HACD2: variants seen among roughly 807,000 people sequenced by gnomAD.
HACD2 encodes very-long-chain (3R)-3-hydroxyacyl-CoA dehydratase 2.
Under a neutral mutation model 31.0 loss-of-function variants are expected in HACD2, and 15 were observed. The ratio of observed to expected loss-of-function variants is 0.48; its 90% CI spans 0.32 to 0.75. HACD2 has a LOEUF of 0.75. Ranked by LOEUF, HACD2 falls within the 30% of genes least tolerant of loss-of-function variation. The pLI is 0.03. For synonymous variants in HACD2, 115 were observed against 122.2 expected, an observed-to-expected ratio of 0.94 and a Z score of 0.39; for missense variants, 283 against 313.0, an observed-to-expected ratio of 0.90 and a Z score of 0.72.
intron 4 of HACD2, among the ~76,000 whole-genome samples, chr3:123,514,409 C>G (rs941309673): frequency 2.6e-5 from 3 of 116,144 alleles, no homozygotes; most frequent in East Asian, 2.4e-4. Flanking sequence ...TTTGAAATTA[C>G]TTCAGAAAAA....
intron 4 of HACD2, among the ~76,000 whole-genome samples, chr3:123,508,256 T>C (rs898644370): frequency 1.3e-5 from 2 of 152,180 alleles, no homozygotes; most frequent in African/African-American, 4.8e-5. Context: ...GGAATCTTTC[T>C]TTGCCTGGCA....
intron 3 of HACD2, among the ~76,000 whole-genome samples, chr3:123,532,074 T>C (rs1366793846): frequency 6.6e-6 from 1 of 152,200 alleles, no homozygotes; most frequent in East Asian, 1.9e-4. Flanking sequence ...CAATTTATAC[T>C]CCCACCAGCA....
At chr3:123,526,733 A>C (rs1042362327) in intron 4 of HACD2, among the ~76,000 whole-genome samples, 1 of 152,230 alleles carries the variant, frequency 6.6e-6, no homozygotes, top group Non-Finnish European at 1.5e-5. Context: ...ATGGTTATGG[A>C]GGATGACACC....
intron 4 of HACD2, among the ~76,000 whole-genome samples, chr3:123,513,197 A>G (rs534135640): frequency 1.3e-5 from 2 of 152,376 alleles, no homozygotes; most frequent in South Asian, 2.1e-4. Context: ...ACAGGAATTC[A>G]TGAGTCCAAA....
intron 4 of HACD2, among the ~76,000 whole-genome samples, chr3:123,523,062 C>T (rs1441192004): frequency 6.6e-6 from 1 of 152,158 alleles, no homozygotes; most frequent in Non-Finnish European, 1.5e-5. Flanking sequence ...TCAGGGATAA[C>T]ACAGAAGGCG....
chr3:123,534,658 G>A (rs750317584), intron 3 of HACD2, among the ~76,000 whole-genome samples: 3 of 152,076 alleles, frequency 2.0e-5, no homozygotes, highest in Non-Finnish European at 4.4e-5. Context: ...AAGTCCTTCA[G>A]GAGGTATTCC....
At chr3:123,502,732 AAGAC>A in intron 4 of HACD2, 51 bp from the exon 5 acceptor site, 1 of 1,551,156 alleles carries the variant, frequency 6.4e-7, no homozygotes, top group South Asian at 1.2e-5. Flanking sequence ...AACGTTAATG[AAGAC>A]AGTGTGCAGC....
At chr3:123,571,258 C>T (rs1422475232) in intron 2 of HACD2, among the ~76,000 whole-genome samples, 7 of 152,168 alleles carry the variant, frequency 4.6e-5, no homozygotes, top group Non-Finnish European at 1.0e-4. Context: ...ATTCTTAAGG[C>T]GATCCCCCAC....
At chr3:123,530,695 C>T (rs940442589) in intron 3 of HACD2, among the ~76,000 whole-genome samples, 4 of 151,110 alleles carry the variant, frequency 2.6e-5, no homozygotes, top group African/African-American at 9.7e-5. Flanking sequence ...GCGTGAGCCA[C>T]TGCGCCCGGC....
At chr3:123,533,887 G>T (rs951134328) in intron 3 of HACD2, among the ~76,000 whole-genome samples, 5 of 152,196 alleles carry the variant, frequency 3.3e-5, no homozygotes, top group African/African-American at 7.2e-5. Context: ...ATTACAACTT[G>T]GTTTCAGAAA....
intron 3 of HACD2, among the ~76,000 whole-genome samples, chr3:123,563,681 T>A (rs1408578677): frequency 1.5e-5 from 2 of 133,082 alleles, no homozygotes; most frequent in Non-Finnish European, 3.5e-5. Flanking sequence ...ACACACACAC[T>A]TATGGTGTAC....
intron 3 of HACD2, among the ~76,000 whole-genome samples, chr3:123,550,853 G>A (rs918571328): frequency 1.5e-4 from 23 of 152,324 alleles, no homozygotes; most frequent in Non-Finnish European, 3.2e-4. Flanking sequence ...AGACTGCAGA[G>A]GGGAAGAGAA....
chr3:123,502,804 CT>C (rs1292694619), intron 4 of HACD2, 123 bp from the exon 5 acceptor site: 3 of 965,542 alleles, frequency 3.1e-6, no homozygotes, highest in Admixed American at 5.2e-5. Flanking sequence ...TTCAGGACCC[CT>C]GTATGGCAGA....
At chr3:123,521,853 C>T (rs905463745) in intron 4 of HACD2, among the ~76,000 whole-genome samples, 61 of 152,286 alleles carry the variant, frequency 4.0e-4, no homozygotes, top group African/African-American at 1.1e-3. Context: ...TTTAAGAAGA[C>T]GCTTGCTTGC....
chr3:123,519,759 G>A (rs745726642), intron 4 of HACD2, among the ~76,000 whole-genome samples: 1 of 152,126 alleles, frequency 6.6e-6, no homozygotes, highest in Admixed American at 6.5e-5. Context: ...TCCTCCTCCC[G>A]CAAGTTTTCA....
At chr3:123,520,835 T>G (rs2056205622) in intron 4 of HACD2, among the ~76,000 whole-genome samples, 1 of 152,208 alleles carries the variant, frequency 6.6e-6, no homozygotes, top group South Asian at 2.1e-4. Flanking sequence ...ATTCATTAAT[T>G]TAAGCTGATC....
intron 6 of HACD2, among the ~76,000 whole-genome samples, chr3:123,498,152 G>A (rs952652223): frequency 2.6e-5 from 4 of 152,196 alleles, no homozygotes; most frequent in South Asian, 2.1e-4. Flanking sequence ...AGGGTGACTC[G>A]CATCAGGAGA....
chr3:123,566,179 A>G lies in HACD2; in HGVS notation c.292+1583T>C, dbSNP rs551433216. On this transcript the variant is annotated intron_variant, in intron 3 of 6. Coordinates refer to ENST00000383657, the MANE Select transcript of HACD2 (RefSeq NM_198402.5). ...TACACGCCCCTCCAAATAAACACAG[A>G]AACATACGTATAAAATTTTGCACAT... 1.2e-4 allele frequency among the ~76,000 whole-genome samples: 18 copies of G among 152,324 alleles called. No individual in the cohort carries two copies. The South Asian group carries it at 3.3e-3, about 28-fold the overall frequency.
At chr3:123,565,421 G>T (rs2056779291) in intron 3 of HACD2, among the ~76,000 whole-genome samples, 1 of 151,942 alleles carries the variant, frequency 6.6e-6, no homozygotes, top group South Asian at 2.1e-4. Flanking sequence ...TCATGAATGG[G>T]GTTAGTGCCC....
Sources: allele counts gnomAD v4.1 joint callset (sites outside exome capture counted in the v4.1 genomes callset), GRCh38; gene constraint gnomAD v4.1.1; transcripts MANE v1.5; gene names NCBI Gene and HGNC (gene_info 2026-07-23, HGNC 2026-07-21).